The following MIB2 variants were observed in gnomAD, a reference collection of about 807,000 sequenced individuals.
MIB2 encodes MIB E3 ubiquitin protein ligase 2.
A neutral mutation model predicts 96.6 loss-of-function variants in MIB2; 78 were observed. The observed-to-expected ratio is 0.81, with a 90% CI of 0.67 to 0.97. The LOEUF is 0.97. Among genes scored for constraint, MIB2 ranks in the 50% least tolerant of loss-of-function variants. The pLI is 0.00. For synonymous variants in MIB2, 820 were observed against 629.5 expected (o/e 1.30, Z -4.53); for missense variants, 1,543 against 1,424.0 (o/e 1.08, Z -1.35).
rs528061610 is a variant in MIB2, at chr1:1,623,964, C to T, written c.419+19C>T. 64 of 1,592,428 alleles carry T rather than the reference C, an allele frequency of 4.0e-5. No individual in the cohort carries two copies. Among genetic ancestry groups the T allele is most frequent in the Non-Finnish European group, 2.1e-5 (24 of 1,165,892 alleles). ...CGCGCCCGTGAGTCCCGGGCCGCAC[C>T]GGCTCCTGTGCGGCGGGTACCCAGG... On this transcript the variant is annotated intron_variant, in intron 4 of 19. Transcript: ENST00000355826.
rs889999403 is a variant in MIB2 at position 1,623,308 on chromosome 1, G to T, written c.-22-123G>T. On this transcript the variant is annotated intron_variant, in intron 2 of 19. Coordinates refer to ENST00000355826, the MANE Select transcript of MIB2 (RefSeq NM_001170687.4). ...GGGCTTGAACCAGCCTGCCTGCCCC[G>T]TTGGGCCTCTCTGCTCTCCCGCGGA... The T allele has an allele frequency of 4.9e-6, 7 of 1,442,806 alleles. No homozygotes were observed. The African/African-American group carries it at 5.9e-5, about 12-fold the overall frequency. The allele number at this position is 1,442,806 out of a possible 1,614,324, so 89.4% of individuals were successfully genotyped here. A position where few individuals can be genotyped will look rare whatever the true frequency, so the allele number is the denominator to read the frequency against.
chr1:1,619,443 C>T (rs553209967), intron 2 of MIB2, among the ~76,000 whole-genome samples: 6 of 152,230 alleles, frequency 3.9e-5, no homozygotes, highest in Non-Finnish European at 7.3e-5. Flanking sequence ...GGGATCCACG[C>T]GCATGTGGTC....
At chr1:1,619,609 T>C (rs1484311558) in intron 2 of MIB2, among the ~76,000 whole-genome samples, 1 of 152,152 alleles carries the variant, frequency 6.6e-6, no homozygotes, top group Non-Finnish European at 1.5e-5. Context: ...GTGGGGGCCC[T>C]GCAGGGGAGG....
At chr1:1,615,354 A>C (rs1226729739), upstream of MIB2, 5 of 1,404,450 alleles carry the variant, frequency 3.6e-6, no homozygotes, top group South Asian at 4.7e-5. Context: ...CCGGAGGCTA[A>C]GCCGCTCGGA....
chr1:1,614,337 A>G (rs1643416906), upstream of MIB2: 1 of 152,216 alleles, frequency 6.6e-6, no homozygotes, highest in Admixed American at 6.5e-5. Context: ...CTGCAGGGAA[A>G]TTCCTCAGGA....
intron 2 of MIB2, chr1:1,618,795 C>T (rs892020267): frequency 6.6e-6 from 1 of 152,352 alleles, no homozygotes; most frequent in Non-Finnish European, 1.5e-5. Flanking sequence ...TCCTCCCGCC[C>T]CTAAGCAGGT....
At chr1:1,629,883 A>C (rs1638443679) in intron 19 of MIB2, among the ~76,000 whole-genome samples, 179 bp downstream of exon 19, 1 of 115,310 alleles carries the variant, frequency 8.7e-6, no homozygotes, top group African/African-American at 3.3e-5. Flanking sequence ...CCTGCTCCAG[A>C]TCACACCCGG....
At chr1:1,619,173 ACCAT>A (rs903741717) in intron 2 of MIB2, 1 of 152,312 alleles carries the variant, frequency 6.6e-6, no homozygotes, top group Non-Finnish European at 1.5e-5. Flanking sequence ...GGAGATCGAG[ACCAT>A]CCTGGCTAAC....
chr1:1,615,443 G>T (rs935772004), upstream of MIB2: 67 of 1,503,962 alleles, frequency 4.5e-5, no homozygotes, highest in East Asian at 1.7e-3. Flanking sequence ...GCCCATCCCC[G>T]TGGCGGGGGC....
chr1:1,623,245 C>T lies in MIB2; in HGVS notation c.-22-186C>T. On this transcript the variant is annotated intron_variant, in intron 2 of 19. Coordinates refer to ENST00000355826, the MANE Select transcript of MIB2 (RefSeq NM_001170687.4). ...GCACGGCGCCCGCCTTTCCCACCGGCCTCCCTGGTGCCAGACTGCGGGCCT... is the reference window on the plus strand; with the variant it reads ...GCACGGCGCCCGCCTTTCCCACCGGTCTCCCTGGTGCCAGACTGCGGGCCT... The T allele has an allele frequency of 7.8e-6, 8 of 1,019,468 alleles. No homozygotes were observed. The South Asian group carries it at 1.3e-4, about 16-fold the overall frequency. 63.2% of individuals were successfully genotyped at this position (1,019,468 alleles called of 1,614,324 possible).
intron 2 of MIB2, among the ~76,000 whole-genome samples, chr1:1,620,853 C>T (rs1202311342): frequency 2.0e-5 from 3 of 152,230 alleles, no homozygotes; most frequent in Non-Finnish European, 2.9e-5. Context: ...GACCTCCCTC[C>T]AAGACAGCCC....
rs1444607645 is a variant in MIB2 at position 1,626,132 on chromosome 1, G to A, written c.972+479G>A. Reference sequence around the variant, plus strand: ...TGGCAGCTTGGATGGCCCTGGGAGGGGCAGGCCCGGGGCAAAGCGTCAGAG... The same window carrying A: ...TGGCAGCTTGGATGGCCCTGGGAGGAGCAGGCCCGGGGCAAAGCGTCAGAG... On this transcript the variant is annotated intron_variant, in intron 8 of 19. Coordinates refer to ENST00000355826, the MANE Select transcript of MIB2 (RefSeq NM_001170687.4). This position sits in a 1 kb window ranked among gnomAD's most constrained non-coding sequence, Gnocchi z 5.3. 5.0e-6 allele frequency: 1 copy of A among 200,016 alleles called. No individual in the cohort carries two copies. The highest frequency in any genetic ancestry group is 1.0e-5 in the Non-Finnish European group (1 of 98,350). 12.4% of individuals were successfully genotyped at this position (200,016 alleles called of 1,614,324 possible). A position where few individuals can be genotyped will look rare whatever the true frequency, so the allele number is the denominator to read the frequency against.
chr1:1,616,841 G>A (rs566242834), intron 2 of MIB2: 17 of 478,328 alleles, frequency 3.6e-5, no homozygotes, highest in Non-Finnish European at 5.2e-5. Flanking sequence ...GGGGCAGAGC[G>A]GCCGCAGCGC....
upstream of MIB2, chr1:1,615,381 C>T (rs1236098677): frequency 7.0e-7 from 1 of 1,429,914 alleles, no homozygotes; most frequent in African/African-American, 1.5e-5. Context: ...CTGCGCCACG[C>T]AGGGTAGGCG....
chr1:1,630,305 G>A lies in MIB2; in HGVS notation c.2643G>A (p.Val881=), dbSNP rs1307987105. 6.6e-6 allele frequency: 10 copies of A among 1,520,856 alleles called. No individual in the cohort carries two copies. Among genetic ancestry groups the A allele is most frequent in the Non-Finnish European group, 8.8e-6 (10 of 1,141,064 alleles). The allele number at this position is 1,520,856 out of a possible 1,614,324, so 94.2% of individuals were successfully genotyped here. A position where few individuals can be genotyped will look rare whatever the true frequency, so the allele number is the denominator to read the frequency against. Residue 881 remains valine (V), a synonymous_variant, in exon 20 of 20, where the codon GTG becomes GTA. Transcript: ENST00000355826. ...CCCACCCCGCAGACGGCTCTGAGGT[G>A]GCGAGCGCCGCCCCCGCCCCCGGCC... ...SKKLRPDGSE[V]ASAAPAPGPP...
chr1:1,618,431 T>C (rs2100336594), intron 2 of MIB2: 1 of 152,824 alleles, frequency 6.5e-6, no homozygotes, highest in South Asian at 2.1e-4. Context: ...AGGGCTTGAT[T>C]TCCAGGCTGC....
chr1:1,617,359 G>A (rs1333577754), intron 2 of MIB2: 2 of 152,212 alleles, frequency 1.3e-5, no homozygotes, highest in East Asian at 1.9e-4. Flanking sequence ...AAGCTTCTCC[G>A]ATAAAATACT....
At chr1:1,624,732 G>A (rs1317386232) in intron 4 of MIB2, 63 bp from the exon 5 acceptor site, 2 of 1,460,374 alleles carry the variant, frequency 1.4e-6, no homozygotes, top group African/African-American at 1.4e-5. Flanking sequence ...TCTCCCAAGT[G>A]GCTCAAGATG....
intron 19 of MIB2, 56 bp from the exon 20 acceptor site, chr1:1,630,234 CTG>C: frequency 1.4e-5 from 9 of 632,722 alleles, no homozygotes; most frequent in African/African-American, 5.1e-5. Flanking sequence ...CCGCAGCTCC[CTG>C]CTCCCCGCAT....
Sources: gnomAD v4.1 joint callset for allele counts (sites outside exome capture counted in the v4.1 genomes callset) on GRCh38, gnomAD v4.1.1 for gene constraint, Gnocchi (gnomAD v3.1) non-coding constraint, MANE v1.5 for transcripts, NCBI Gene and HGNC (gene_info 2026-07-23, HGNC 2026-07-21) for gene names.